KIAA0040: variants seen among roughly 807,000 people sequenced by gnomAD.
The protein encoded by KIAA0040 is KIAA0040, also known as uncharacterized protein KIAA0040.
KIAA0040 carries 10 observed loss-of-function variants against 7.2 expected under a neutral mutation model. The ratio of observed to expected loss-of-function variants is 1.38; its 90% CI spans 0.85 to 2.34. The LOEUF (loss-of-function observed/expected upper bound fraction) is 2.34, where lower values mean the gene tolerates loss of function less well. KIAA0040 is among the 30% of genes most tolerant of loss of function. The probability of loss-of-function intolerance (pLI) is 0.00; values close to 1 mark genes in which losing one functional copy is unlikely to be tolerated. For missense variants in KIAA0040, 89 were observed against 108.2 expected, an observed-to-expected ratio of 0.82 and a Z score of 0.79; for synonymous variants, 49 against 40.1, an observed-to-expected ratio of 1.22 and a Z score of -0.84.
intron 3 of KIAA0040, among the ~76,000 whole-genome samples, chr1:175,161,808 A>C (rs988878206): frequency 2.0e-5 from 3 of 152,060 alleles, no homozygotes; most frequent in African/African-American, 7.2e-5. Context: ...TCTCCTCCCA[A>C]GGCTGAGAGA....
At position 175,160,011 on chromosome 1, in the gene KIAA0040, T is replaced by A. The variant is rs1676463929; in HGVS notation, c.*703A>T. 1 of 153,476 alleles carries A rather than the reference T, an allele frequency of 6.5e-6. No homozygotes were observed. Among genetic ancestry groups the A allele is most frequent in the Non-Finnish European group, 1.5e-5 (1 of 68,076 alleles). 9.5% of individuals were successfully genotyped at this position (153,476 alleles called of 1,614,324 possible). A position where few individuals can be genotyped will look rare whatever the true frequency, so the allele number is the denominator to read the frequency against. ...CACACTTTAAACATCTTGGCACAGG[T>A]GAGGGGTCAGAGGCACAGAAACTTG... On this transcript the variant is annotated 3_prime_UTR_variant, in exon 4 of 4. Coordinates refer to ENST00000423313, the MANE Select transcript of KIAA0040 (RefSeq NM_014656.3).
At chr1:175,175,233 A>C (rs1415279069) in intron 2 of KIAA0040, among the ~76,000 whole-genome samples, 1 of 152,264 alleles carries the variant, frequency 6.6e-6, no homozygotes, top group African/African-American at 2.4e-5. Flanking sequence ...GGTAGTAATT[A>C]AAAGTTGCAT....
chr1:175,178,018 G>A (rs996494968), intron 1 of KIAA0040, among the ~76,000 whole-genome samples: 6 of 152,212 alleles, frequency 3.9e-5, no homozygotes, highest in African/African-American at 1.4e-4. Flanking sequence ...AGTCAAAGTG[G>A]CCTGAAATTC....
intron 2 of KIAA0040, among the ~76,000 whole-genome samples, chr1:175,167,749 AG>A (rs1676825015): frequency 6.6e-6 from 1 of 152,152 alleles, no homozygotes; most frequent in African/African-American, 2.4e-5. Context: ...GGCGTGGCTC[AG>A]GTGTTTTCCA....
intron 3 of KIAA0040, among the ~76,000 whole-genome samples, chr1:175,165,765 A>C (rs1428690416): frequency 6.6e-6 from 1 of 152,228 alleles, no homozygotes; most frequent in Non-Finnish European, 1.5e-5. Context: ...GTCATTCCAC[A>C]GGGAGGTCTG....
At chr1:175,184,707 C>T (rs10798341) in intron 1 of KIAA0040, among the ~76,000 whole-genome samples, 74,267 of 151,932 alleles carry the variant, frequency 0.49, 18,683 homozygotes, top group Non-Finnish European at 0.56. Flanking sequence ...CAAAGAGTGC[C>T]TGGGGAGGGT....
At chr1:175,182,190 G>A (rs575566404) in intron 1 of KIAA0040, among the ~76,000 whole-genome samples, 2 of 152,214 alleles carry the variant, frequency 1.3e-5, no homozygotes, top group African/African-American at 4.8e-5. Flanking sequence ...GACATTGGGG[G>A]CTACAATTTC....
intron 1 of KIAA0040, among the ~76,000 whole-genome samples, chr1:175,179,806 A>G (rs1401740114): frequency 2.6e-5 from 4 of 152,242 alleles, no homozygotes; most frequent in African/African-American, 9.6e-5. Flanking sequence ...ATCTTTTCAT[A>G]GTAAAAGTTT....
intron 3 of KIAA0040, among the ~76,000 whole-genome samples, chr1:175,162,674 C>T (rs1676593490): frequency 1.3e-5 from 2 of 152,140 alleles, no homozygotes; most frequent in Admixed American, 1.3e-4. Flanking sequence ...CATGATGCCC[C>T]AGCAATTGTC....
intron 2 of KIAA0040, among the ~76,000 whole-genome samples, chr1:175,175,045 C>A (rs570756697): frequency 6.6e-6 from 1 of 152,060 alleles, no homozygotes; most frequent in African/African-American, 2.4e-5. Flanking sequence ...GAGTTAGGAG[C>A]GGTTGAGTGG....
chr1:175,165,210 A>G (rs1372767458), intron 3 of KIAA0040, among the ~76,000 whole-genome samples: 1 of 152,216 alleles, frequency 6.6e-6, no homozygotes, highest in Non-Finnish European at 1.5e-5. Context: ...ACGATGGGAA[A>G]CAGTGATCCC....
intron 2 of KIAA0040, among the ~76,000 whole-genome samples, 193 bp from the exon 3 acceptor site, chr1:175,166,930 A>G (rs559855759): frequency 4.3e-4 from 65 of 152,312 alleles, no homozygotes; most frequent in African/African-American, 1.5e-3. Context: ...GACTAATTAC[A>G]GAGAACCTAC....
intron 1 of KIAA0040, among the ~76,000 whole-genome samples, chr1:175,182,034 C>A (rs1313090152): frequency 6.6e-6 from 1 of 152,216 alleles, no homozygotes; most frequent in Non-Finnish European, 1.5e-5. Flanking sequence ...ACCACTCCAG[C>A]CCCTGATGGG....
chr1:175,177,462 C>G (rs1307689547), intron 2 of KIAA0040, 149 bp downstream of exon 2: 2 of 152,222 alleles, frequency 1.3e-5, no homozygotes, highest in Non-Finnish European at 2.9e-5. Context: ...TCTGTGGGGC[C>G]TAGGCCCCCT....
At position 175,157,087 on chromosome 1, in the gene KIAA0040, TTACACACACACA is replaced by T; in HGVS notation, c.*3615_*3626del. 1 of 152,126 alleles carries T rather than the reference TTACACACACACA, an allele frequency of 6.6e-6. No homozygotes were observed. 9.4% of individuals were successfully genotyped at this position (152,126 alleles called of 1,614,324 possible). ...ACCATATTGAACAGTGTACACACACTTACACACACACATACACACAGTTTTTGCCCTAGTGGC... is the reference window on the plus strand; with the variant it reads ...ACCATATTGAACAGTGTACACACACTTACACACAGTTTTTGCCCTAGTGGC... On this transcript the variant is annotated 3_prime_UTR_variant, in exon 4 of 4. Coordinates refer to ENST00000423313, the MANE Select transcript of KIAA0040 (RefSeq NM_014656.3).
At chr1:175,190,656 T>C (rs1467947722) in intron 1 of KIAA0040, among the ~76,000 whole-genome samples, 1 of 152,250 alleles carries the variant, frequency 6.6e-6, no homozygotes, top group Non-Finnish European at 1.5e-5. Context: ...CTTCTGATTC[T>C]ACTTCCTAAA....
At chr1:175,191,326 A>G (rs1342537272) in intron 1 of KIAA0040, among the ~76,000 whole-genome samples, 1 of 152,238 alleles carries the variant, frequency 6.6e-6, no homozygotes, top group African/African-American at 2.4e-5. Context: ...AGGGAAGAGG[A>G]CAGAAGTCAT....
intron 2 of KIAA0040, among the ~76,000 whole-genome samples, chr1:175,173,703 G>A (rs1204483634): frequency 1.3e-5 from 2 of 152,152 alleles, no homozygotes; most frequent in Non-Finnish European, 2.9e-5. Flanking sequence ...CACCCTGTGG[G>A]TGCACTCTTG....
chr1:175,163,051 G>A (rs992074723), intron 3 of KIAA0040, among the ~76,000 whole-genome samples: 25 of 152,288 alleles, frequency 1.6e-4, no homozygotes, highest in African/African-American at 6.0e-4. Flanking sequence ...GGAGGCTCAG[G>A]CCACACGGTG....
Sources: allele counts gnomAD v4.1 joint callset (sites outside exome capture counted in the v4.1 genomes callset), GRCh38; gene constraint gnomAD v4.1.1; transcripts MANE v1.5; gene names NCBI Gene and HGNC (gene_info 2026-07-23, HGNC 2026-07-21).